The following HS6ST3 variants were observed in gnomAD, a reference collection of about 807,000 sequenced individuals.
HS6ST3 encodes heparan-sulfate 6-O-sulfotransferase 3.
Under a neutral mutation model 36.7 loss-of-function variants are expected in HS6ST3, and 12 were observed. The ratio of observed to expected loss-of-function variants is 0.33; its 90% CI spans 0.21 to 0.53. The LOEUF (loss-of-function observed/expected upper bound fraction) is 0.53, where lower values mean the gene tolerates loss of function less well. Ranked by LOEUF, HS6ST3 falls within the 20% of genes least tolerant of loss-of-function variation. The pLI is 0.95. For missense variants in HS6ST3, 584 were observed against 640.9 expected (o/e 0.91, Z 0.96); for synonymous variants, 240 against 257.5 (o/e 0.93, Z 0.65).
chr13:96,731,130 T>A (rs1876141610), intron 1 of HS6ST3, among the ~76,000 whole-genome samples: 2 of 152,224 alleles, frequency 1.3e-5, no homozygotes, highest in African/African-American at 4.8e-5. Context: ...TTTTCAAGAA[T>A]ACAATATACC....
chr13:96,213,057 A>G (rs1417758118), intron 1 of HS6ST3, among the ~76,000 whole-genome samples: 1 of 152,166 alleles, frequency 6.6e-6, no homozygotes, highest in East Asian at 1.9e-4. Context: ...GGTTTGACTT[A>G]ATGTATAAAC....
chr13:96,671,307 A>G (rs1448294020), intron 1 of HS6ST3, among the ~76,000 whole-genome samples: 1 of 152,140 alleles, frequency 6.6e-6, no homozygotes, highest in Admixed American at 6.6e-5. Flanking sequence ...TACATATTTC[A>G]AAGATGGCTC....
chr13:96,478,492 C>T (rs2055874924), intron 1 of HS6ST3, among the ~76,000 whole-genome samples: 1 of 152,084 alleles, frequency 6.6e-6, no homozygotes, highest in South Asian at 2.1e-4. Flanking sequence ...AGTCCATTAT[C>T]CTCCATAGAG....
At chr13:96,504,508 T>C (rs886400661) in intron 1 of HS6ST3, among the ~76,000 whole-genome samples, 1 of 151,520 alleles carries the variant, frequency 6.6e-6, no homozygotes, top group Non-Finnish European at 1.5e-5. Context: ...AGACATCGAG[T>C]AACAGAGAGA....
intron 1 of HS6ST3, among the ~76,000 whole-genome samples, chr13:96,161,694 A>T (rs560789484): frequency 6.6e-6 from 1 of 152,238 alleles, no homozygotes; most frequent in Admixed American, 6.5e-5. Flanking sequence ...ACTCAGAGAA[A>T]TATTTAAAAG....
At chr13:96,218,155 T>G (rs138730412) in intron 1 of HS6ST3, among the ~76,000 whole-genome samples, 4 of 152,280 alleles carry the variant, frequency 2.6e-5, no homozygotes, top group East Asian at 3.9e-4. Flanking sequence ...AGGAATGGCA[T>G]CAGCAATGCT....
At chr13:96,799,998 G>GTATATATATATATATATGTA (rs374525350) in intron 1 of HS6ST3, among the ~76,000 whole-genome samples, 4 of 75,280 alleles carry the variant, frequency 5.3e-5, no homozygotes, top group Middle Eastern at 7.1e-3. Flanking sequence ...ATATATATAT[G>GTATATATATATATATATGTA]TATATATATA....
intron 1 of HS6ST3, among the ~76,000 whole-genome samples, chr13:96,755,438 C>A (rs1876803558): frequency 6.6e-6 from 1 of 152,044 alleles, no homozygotes; most frequent in Non-Finnish European, 1.5e-5. Flanking sequence ...GGTCTCAGCT[C>A]ACTGCAACCT....
At chr13:96,583,814 T>A (rs913461804) in intron 1 of HS6ST3, among the ~76,000 whole-genome samples, 3 of 152,048 alleles carry the variant, frequency 2.0e-5, no homozygotes, top group Admixed American at 2.0e-4. Context: ...CTGATCACTC[T>A]TATCTAAAGA....
At chr13:96,645,425 A>G (rs958043581) in intron 1 of HS6ST3, among the ~76,000 whole-genome samples, 11 of 151,412 alleles carry the variant, frequency 7.3e-5, no homozygotes, top group Non-Finnish European at 2.9e-5. Context: ...TATAAGAGTC[A>G]TAGCACTGGA....
At chr13:96,529,856 TTTTAAAC>T (rs2056128764) in intron 1 of HS6ST3, among the ~76,000 whole-genome samples, 1 of 152,212 alleles carries the variant, frequency 6.6e-6, no homozygotes, top group African/African-American at 2.4e-5. Flanking sequence ...AAACTGTCTA[TTTTAAAC>T]AATACTCATT....
rs2054312216 is a variant in HS6ST3 at position 96,196,261 on chromosome 13, G to T, written c.707+104692G>T. Among the ~76,000 whole-genome samples the T allele has an allele frequency of 3.3e-5, 5 of 152,070 alleles. 1 individual carries two copies. The South Asian group carries it at 1.0e-3, about 32-fold the overall frequency. On this transcript the variant is annotated intron_variant, in intron 1 of 1. Coordinates refer to ENST00000376705, the MANE Select transcript of HS6ST3 (RefSeq NM_153456.4). The stretch of plus-strand genomic sequence containing the variant: ...CCTACTCAAATCTATCTTCTTATCT[G>T]GTCTCTGCCATCCTTGTTGCTTCAG...
chr13:96,378,765 C>A (rs1415638068), intron 1 of HS6ST3, among the ~76,000 whole-genome samples: 1 of 152,076 alleles, frequency 6.6e-6, no homozygotes, highest in Non-Finnish European at 1.5e-5. Context: ...GTTCATTTAC[C>A]CAGCTGTGCT....
At chr13:96,353,125 C>T (rs964913481) in intron 1 of HS6ST3, among the ~76,000 whole-genome samples, 3 of 141,074 alleles carry the variant, frequency 2.1e-5, no homozygotes, top group African/African-American at 8.0e-5. Flanking sequence ...GTGATCTCGG[C>T]TCACTGCAAC....
At chr13:96,494,676 T>C (rs922198390) in intron 1 of HS6ST3, among the ~76,000 whole-genome samples, 4 of 149,136 alleles carry the variant, frequency 2.7e-5, no homozygotes, top group African/African-American at 1.0e-4. Flanking sequence ...CACACACACA[T>C]ACACACACAC....
At chr13:96,704,441 G>A (rs546374611) in intron 1 of HS6ST3, among the ~76,000 whole-genome samples, 3 of 152,326 alleles carry the variant, frequency 2.0e-5, no homozygotes, top group East Asian at 3.9e-4. Context: ...TGATGTGGAT[G>A]CCTCAAGTAG....
chr13:96,642,688 A>G (rs1222486016), intron 1 of HS6ST3, among the ~76,000 whole-genome samples: 1 of 151,772 alleles, frequency 6.6e-6, no homozygotes, highest in Admixed American at 6.6e-5. Flanking sequence ...CCATGTAGTG[A>G]TGTTTCTACT....
intron 1 of HS6ST3, among the ~76,000 whole-genome samples, chr13:96,460,675 T>C (rs1052184228): frequency 6.6e-6 from 1 of 152,206 alleles, no homozygotes; most frequent in African/African-American, 2.4e-5. Flanking sequence ...TTACACTTAA[T>C]AGTAAACTGT....
intron 1 of HS6ST3, among the ~76,000 whole-genome samples, chr13:96,816,214 A>C (rs1381000093): frequency 6.6e-6 from 1 of 152,226 alleles, no homozygotes; most frequent in Non-Finnish European, 1.5e-5. Flanking sequence ...ACCTGAAAAC[A>C]ACAAAACAGG....
Sources: gnomAD v4.1 joint callset for allele counts (sites outside exome capture counted in the v4.1 genomes callset) on GRCh38, gnomAD v4.1.1 for gene constraint, MANE v1.5 for transcripts, NCBI Gene and HGNC (gene_info 2026-07-23, HGNC 2026-07-21) for gene names.